The following CD163L1 variants were observed in gnomAD, a reference collection of about 807,000 sequenced individuals.
CD163L1 encodes scavenger receptor cysteine-rich type 1 protein M160.
In CD163L1, 124 loss-of-function variants were observed where a neutral mutation model predicts 165.4. The observed-to-expected ratio is 0.75, with a 90% confidence interval of 0.65 to 0.87. The LOEUF (loss-of-function observed/expected upper bound fraction) is 0.87, where lower values mean the gene tolerates loss of function less well. Ranked by LOEUF, CD163L1 falls within the 40% of genes least tolerant of loss-of-function variation. The probability of loss-of-function intolerance (pLI) is 0.00; values close to 1 mark genes in which losing one functional copy is unlikely to be tolerated. For missense variants in CD163L1, 1,525 were observed against 1,799.9 expected, an observed-to-expected ratio of 0.85 and a Z score of 2.76; for synonymous variants, 585 against 662.2, an observed-to-expected ratio of 0.88 and a Z score of 1.79.
chr12:7,388,764 T>TGGGG (rs200736318), intron 8 of CD163L1, among the ~76,000 whole-genome samples: 31 of 135,192 alleles, frequency 2.3e-4, no homozygotes, highest in African/African-American at 6.9e-4. Context: ...AAAAACAAAG[T>TGGGG]GGGGGGGGCA....
At chr12:7,367,465 CT>C in intron 17 of CD163L1, 134 bp from the exon 18 acceptor site, 1 of 491,900 alleles carries the variant, frequency 2.0e-6, no homozygotes, top group Middle Eastern at 2.9e-4. Flanking sequence ...GCACCTACCC[CT>C]GCTAGTGAAT....
chr12:7,431,477 T>A (rs976650519), intron 4 of CD163L1, among the ~76,000 whole-genome samples: 2 of 151,790 alleles, frequency 1.3e-5, no homozygotes, highest in African/African-American at 4.8e-5. Flanking sequence ...AATAGTATAA[T>A]CATTTCCATC....
intron 8 of CD163L1, among the ~76,000 whole-genome samples, chr12:7,382,794 C>T (rs1947439037): frequency 6.6e-6 from 1 of 152,192 alleles, no homozygotes; most frequent in South Asian, 2.1e-4. Flanking sequence ...GTCCTGGGCC[C>T]CAGTAAGCCC....
At chr12:7,357,026 T>C (rs752594409) in intron 19 of CD163L1, among the ~76,000 whole-genome samples, 15 of 152,246 alleles carry the variant, frequency 9.9e-5, no homozygotes, top group Admixed American at 5.9e-4. Flanking sequence ...AGAGAATAAA[T>C]GTGAACATCC....
chr12:7,397,606 T>C (rs770583791), intron 7 of CD163L1, among the ~76,000 whole-genome samples: 1 of 152,194 alleles, frequency 6.6e-6, no homozygotes, highest in Non-Finnish European at 1.5e-5. Context: ...ATATTAATCC[T>C]ACTTTGCTTG....
chr12:7,325,869 C>A, the CD163L1 span, among the ~76,000 whole-genome samples: 4 of 152,136 alleles, frequency 2.6e-5, no homozygotes, highest in Non-Finnish European at 4.4e-5. Flanking sequence ...ACATCTGTAC[C>A]TCCCTCTCAC....
intron 8 of CD163L1, among the ~76,000 whole-genome samples, chr12:7,381,551 T>C (rs1201597577): frequency 6.6e-6 from 1 of 152,210 alleles, no homozygotes; most frequent in Non-Finnish European, 1.5e-5. Flanking sequence ...CAAGATCTGT[T>C]TGTAATTGGC....
At chr12:7,389,951 T>C (rs958826864) in intron 8 of CD163L1, among the ~76,000 whole-genome samples, 2 of 114,722 alleles carry the variant, frequency 1.7e-5, no homozygotes, top group Non-Finnish European at 3.2e-5. Flanking sequence ...ACATTTTATA[T>C]ATATATATTT....
At chr12:7,405,980 G>A (rs777052003) in intron 5 of CD163L1, among the ~76,000 whole-genome samples, 64 of 152,172 alleles carry the variant, frequency 4.2e-4, no homozygotes, top group Non-Finnish European at 8.2e-4. Context: ...TAACTTGCTT[G>A]TAGTTGAAAG....
rs1028478728 is a variant in CD163L1, at chr12:7,398,112, C to G, written c.1729+152G>C. ...CTTTACCTGTATAAGTGGAAGAGTT[C>G]CAGGTGAAGTGAACTGAAGTCTAAT... On this transcript the variant is annotated intron_variant, in intron 7 of 19. Transcript: ENST00000313599. The surrounding 1 kb of genome is among the most constrained non-coding windows in gnomAD (Gnocchi z 4.5). 6.2e-6 allele frequency: 4 copies of G among 643,118 alleles called. No individual in the cohort carries two copies. The South Asian group carries it at 8.4e-5, about 14-fold the overall frequency. The allele number at this position is 643,118 out of a possible 1,614,324, so 39.8% of individuals were successfully genotyped here.
In CD163L1 at chr12:7,403,670, T is replaced by C. The variant is rs754655532; in HGVS notation, c.1273A>G (p.Ser425Gly). 5.6e-6 allele frequency: 9 copies of C among 1,614,090 alleles called. No individual in the cohort carries two copies. The highest frequency in any genetic ancestry group is 7.6e-6 in the Non-Finnish European group (9 of 1,179,976). Residue 425 changes from serine (S) to glycine (G), a missense_variant, in exon 6 of 20, where the codon AGT becomes GGT. Ser to Gly is a moderately conservative substitution (Grantham distance 56). Transcript: ENST00000313599. ...ATCCAAATGTCTCTAGCTTCATTAC[T>C]AGGTTTAGCACGACGACTGCCAAAG... ...SVFGSRRAKPSNEARDIWINS... is the reference protein window; with the variant it reads ...SVFGSRRAKPGNEARDIWINS...
At chr12:7,422,944 T>G (rs1232011521) in intron 4 of CD163L1, among the ~76,000 whole-genome samples, 2 of 151,866 alleles carry the variant, frequency 1.3e-5, no homozygotes, top group Non-Finnish European at 1.5e-5. Flanking sequence ...AACAAGGATA[T>G]TCAAGAGTTC....
At chr12:7,339,974 G>T in the CD163L1 span, among the ~76,000 whole-genome samples, 1 of 152,066 alleles carries the variant, frequency 6.6e-6, no homozygotes, top group Admixed American at 6.6e-5. Flanking sequence ...TTTTTTGGGT[G>T]ACATTACGAC....
the CD163L1 span, chr12:7,323,337 T>A: frequency 6.2e-7 from 1 of 1,603,802 alleles, no homozygotes; most frequent in African/African-American, 1.3e-5. Context: ...AATATCTGAC[T>A]GGTTCAGTAA....
the CD163L1 span, among the ~76,000 whole-genome samples, chr12:7,333,743 CA>C: frequency 6.6e-6 from 1 of 152,046 alleles, no homozygotes; most frequent in Non-Finnish European, 1.5e-5. Context: ...AGACCACTAG[CA>C]AGACTAATAA....
At position 7,437,402 on chromosome 12, in the gene CD163L1, T is replaced by C. The variant is rs1028210196; in HGVS notation, c.125-3708A>G. On this transcript the variant is annotated intron_variant, in intron 2 of 19. Transcript: ENST00000313599. ...GCACAACGTGCAAGTTTGTTACATA[T>C]GTATACATGTGCCGTGTTGGTGTGC... Among the ~76,000 whole-genome samples, 259 of 151,586 alleles carry C rather than the reference T, an allele frequency of 1.7e-3. 1 individual carries two copies. Among genetic ancestry groups the C allele is most frequent in the African/African-American group, 6.0e-3 (248 of 41,444 alleles).
chr12:7,423,044 T>C (rs906316271), intron 4 of CD163L1, among the ~76,000 whole-genome samples: 88 of 151,978 alleles, frequency 5.8e-4, no homozygotes, highest in African/African-American at 2.0e-3. Context: ...CAGCACCACA[T>C]AGCACTTATT....
At chr12:7,443,057 T>C (rs978053301) in intron 1 of CD163L1, among the ~76,000 whole-genome samples, 1 of 152,214 alleles carries the variant, frequency 6.6e-6, no homozygotes, top group Non-Finnish European at 1.5e-5. Context: ...TTAAATAATA[T>C]TATCTTTTAA....
chr12:7,347,307 T>G lies in CD163L1; in HGVS notation c.*25-160A>C, dbSNP rs1045145016. ...TTTAATTTCCTTACCAGGAAATCAT[T>G]GCTCTTCAAAGATCCTCTTGGGCTA... On this transcript the variant is annotated intron_variant, in intron 4 of 4. Transcript: ENST00000539726. This position sits in a 1 kb window ranked among gnomAD's most constrained non-coding sequence, Gnocchi z 4.2. Among the ~76,000 whole-genome samples the G allele has an allele frequency of 1.3e-5, 2 of 152,198 alleles. No homozygotes were observed. Among genetic ancestry groups the G allele is most frequent in the African/African-American group, 4.8e-5 (2 of 41,464 alleles).
Sources: gnomAD v4.1 joint callset for allele counts (sites outside exome capture counted in the v4.1 genomes callset) on GRCh38, gnomAD v4.1.1 for gene constraint, Gnocchi (gnomAD v3.1) non-coding constraint, MANE v1.5 for transcripts, NCBI Gene and HGNC (gene_info 2026-07-23, HGNC 2026-07-21) for gene names.